Variants in GPLD1 observed in about 807,000 individuals in gnomAD.
GPLD1 encodes the protein phosphatidylinositol-glycan-specific phospholipase D.
A neutral mutation model predicts 112.6 loss-of-function variants in GPLD1; 84 were observed. That is an observed-to-expected ratio of 0.75 (90% CI 0.63 to 0.89). GPLD1 has a LOEUF of 0.89. Ranked by LOEUF, GPLD1 falls within the 40% of genes least tolerant of loss-of-function variation. The probability of loss-of-function intolerance (pLI) is 0.00; values close to 1 mark genes in which losing one functional copy is unlikely to be tolerated. For synonymous variants in GPLD1, 386 were observed against 403.8 expected, an observed-to-expected ratio of 0.96 and a Z score of 0.53; for missense variants, 1,044 against 1,051.5, an observed-to-expected ratio of 0.99 and a Z score of 0.10.
intron 24 of GPLD1, among the ~76,000 whole-genome samples, chr6:24,431,926 G>T (rs1226320120): frequency 1.3e-5 from 2 of 152,036 alleles, no homozygotes; most frequent in African/African-American, 4.8e-5. Context: ...CACCTGTGGG[G>T]ATACTTGCTC....
chr6:24,428,351 A>G lies in GPLD1; in HGVS notation c.*681T>C, dbSNP rs1762302167. 1.3e-5 allele frequency: 2 copies of G among 152,152 alleles called. No individual in the cohort carries two copies. The highest frequency in any genetic ancestry group is 4.2e-4 in the South Asian group (2 of 4,816). The allele number at this position is 152,152 out of a possible 1,614,324, so 9.4% of individuals were successfully genotyped here. A position where few individuals can be genotyped will look rare whatever the true frequency, so the allele number is the denominator to read the frequency against. On this transcript the variant is annotated 3_prime_UTR_variant, in exon 25 of 25. Coordinates refer to ENST00000230036, the MANE Select transcript of GPLD1 (RefSeq NM_001503.4). The stretch of plus-strand genomic sequence containing the variant: ...CACAGATTATTTCATCACCCTAAGT[A>G]TCCATTAGTTATTTTTCCTGATCTC...
rs139019027 is a variant in GPLD1, at chr6:24,445,616, G to C, written c.1950C>G (p.Ser650=). The C allele has an allele frequency of 3.0e-5, 49 of 1,613,808 alleles. No homozygotes were observed. The African/African-American group carries it at 5.7e-4, about 19-fold the overall frequency. ...TCATCAGTACGTGGCCACTGGAAAG[G>C]GAAGTACCCAGTTTCCCCATTGCCT... ...GDKAMGKLGT[S]LSSGHVLMNG... is the part of the protein sequence containing the mutation. Residue 650 remains serine, a synonymous_variant, in exon 20 of 25, where the codon TCC becomes TCG. Transcript: ENST00000230036.
At chr6:24,440,597 A>AAAAAAAG (rs1762714678) in intron 20 of GPLD1, among the ~76,000 whole-genome samples, 1 of 150,180 alleles carries the variant, frequency 6.7e-6, no homozygotes, top group East Asian at 2.0e-4. Flanking sequence ...AAAAAAAAAA[A>AAAAAAAG]GAAGCATAAT....
chr6:24,471,044 C>A (rs1288004730), intron 7 of GPLD1, among the ~76,000 whole-genome samples: 1 of 152,180 alleles, frequency 6.6e-6, no homozygotes, highest in Non-Finnish European at 1.5e-5. Flanking sequence ...AGGCAAGGTA[C>A]TTTTGAAGAA....
rs144331727 is a variant in GPLD1, at chr6:24,446,969, G to A, written c.1689C>T (p.Asn563=). Residue 563 remains asparagine, a synonymous_variant, in exon 18 of 25, where the codon AAC becomes AAT. Transcript: ENST00000230036. The part of the protein sequence containing the change: ...GPSLSDKEKL[N]VEAANWTVRG... ...TCACCGTCCAGTTGGCTGCCTCCACGTTCAGTTTTTCTAAAGAAGACAACT... is the reference window on the plus strand; with the variant it reads ...TCACCGTCCAGTTGGCTGCCTCCACATTCAGTTTTTCTAAAGAAGACAACT... The A allele has an allele frequency of 1.0e-4, 162 of 1,612,796 alleles. No individual in the cohort carries two copies. In the African/African-American group the frequency reaches 1.6e-3, roughly 16 times the overall value.
chr6:24,457,363 C>T (rs375027146), intron 12 of GPLD1, among the ~76,000 whole-genome samples: 22 of 151,948 alleles, frequency 1.4e-4, no homozygotes, highest in African/African-American at 4.8e-4. Context: ...TGCCTGTAAT[C>T]CCTGCTACTT....
In GPLD1 at chr6:24,436,595, G is replaced by A. The variant is rs1389484756; in HGVS notation, c.2339C>T (p.Thr780Ile). 3 of 1,613,586 alleles carry A rather than the reference G, an allele frequency of 1.9e-6. No individual in the cohort carries two copies. The highest frequency in any genetic ancestry group is 2.7e-5 in the African/African-American group (2 of 74,898). ...ACTTACCTTTTCTTCTGGACATGGA[G>A]TTATCCATGATTTGCATTTGCCAGT... Reference protein sequence around the residue: ...DMTGKCKSWITPCPEEKAQYV... With the variant: ...DMTGKCKSWIIPCPEEKAQYV... The change falls in exon 22 of 25, where the codon ACT becomes ATT. Residue 780 changes from threonine to isoleucine, a missense_variant. Coordinates refer to ENST00000230036, the MANE Select transcript of GPLD1 (RefSeq NM_001503.4).
chr6:24,429,069 G>C lies in GPLD1; in HGVS notation c.2486C>G (p.Ser829Cys), dbSNP rs199980577. 70 of 1,613,806 alleles carry C rather than the reference G, an allele frequency of 4.3e-5. No homozygotes were observed. In the African/African-American group the frequency reaches 8.7e-4, roughly 20 times the overall value. ...AAGGCTATAGACGTGAAGTGCCCCG[G>C]AGAGTCGGGCTCCCAAAGAACTCCT... is the stretch of plus-strand genomic sequence containing the variant. ...AGRSSLGARL[S>C]GALHVYSLGS... Residue 829 changes from serine to cysteine, a missense_variant, in exon 25 of 25, where the codon TCC becomes TGC. Coordinates refer to ENST00000230036, the MANE Select transcript of GPLD1 (RefSeq NM_001503.4).
rs1423202516 is a variant in GPLD1 at position 24,460,261 on chromosome 6, A to G, written c.1008+18T>C. ...AAGCAGCATTCCTCTTTCTCAACTT[A>G]GAGCAGAAAATTCTTACCGGGGTCC... On this transcript the variant is annotated intron_variant, in intron 12 of 24. Coordinates refer to ENST00000230036, the MANE Select transcript of GPLD1 (RefSeq NM_001503.4). The G allele has an allele frequency of 6.2e-7, 1 of 1,613,376 alleles. No homozygotes were observed. Among genetic ancestry groups the G allele is most frequent in the Non-Finnish European group, 8.5e-7 (1 of 1,179,562 alleles).
Position 24,446,978 on chromosome 6 carries a change from T to C in GPLD1, c.1680A>G (p.Glu560=). The C allele has an allele frequency of 6.2e-7, 1 of 1,613,142 alleles. No individual in the cohort carries two copies. The highest frequency in any genetic ancestry group is 1.1e-5 in the South Asian group (1 of 90,922). The change falls in exon 18 of 25, where the codon GAA becomes GAG. Residue 560 remains glutamate, a splice_region_variant and synonymous_variant. Transcript: ENST00000230036. ...FYSGPSLSDK[E]KLNVEAANWT... is the part of the protein sequence containing the mutation. ...AGTTGGCTGCCTCCACGTTCAGTTT[T>C]TCTAAAGAAGACAACTCATCCTTTT...
intron 20 of GPLD1, among the ~76,000 whole-genome samples, chr6:24,441,680 G>A (rs934660126): frequency 1.3e-5 from 2 of 152,220 alleles, no homozygotes; most frequent in Non-Finnish European, 2.9e-5. Context: ...GAAGCTAAGT[G>A]GTTAGGACAT....
intron 12 of GPLD1, among the ~76,000 whole-genome samples, chr6:24,459,711 C>A (rs1488549317): frequency 1.3e-5 from 2 of 152,218 alleles, no homozygotes; most frequent in Admixed American, 6.5e-5. Flanking sequence ...AGTAGAGTGT[C>A]TTCACTTAAC....
At chr6:24,494,986 T>C (rs1201716552) in exon 1 of GPLD1, 6 of 1,312,866 alleles carry the variant, frequency 4.6e-6, no homozygotes, top group Non-Finnish European at 5.8e-6. Flanking sequence ...GTCGCCGTCG[T>C]TGCCCGGGCC....
intron 20 of GPLD1, 71 bp downstream of exon 20, chr6:24,445,475 T>G (rs1440757986): frequency 1.0e-6 from 1 of 966,262 alleles, no homozygotes; most frequent in Non-Finnish European, 1.7e-6. Flanking sequence ...TCTCATCACT[T>G]TCCTCCAATA....
At chr6:24,469,328 C>T (rs1243296087) in intron 7 of GPLD1, among the ~76,000 whole-genome samples, 7 of 136,272 alleles carry the variant, frequency 5.1e-5, no homozygotes, top group East Asian at 2.1e-4. Context: ...CACATGCACA[C>T]GTATGTTTAT....
exon 1 of GPLD1, chr6:24,495,129 CG>C: frequency 7.2e-7 from 1 of 1,388,482 alleles, no homozygotes; most frequent in Non-Finnish European, 9.3e-7. Context: ...GGCCCAGCTC[CG>C]CTGCTACGCT....
chr6:24,482,438 G>A (rs934285436), intron 2 of GPLD1, among the ~76,000 whole-genome samples: 5 of 151,832 alleles, frequency 3.3e-5, no homozygotes, highest in East Asian at 1.9e-4. Flanking sequence ...CGGTCACCAC[G>A]CCCAGCTAAT....
At chr6:24,442,572 G>A (rs1762784378) in intron 20 of GPLD1, among the ~76,000 whole-genome samples, 2 of 151,528 alleles carry the variant, frequency 1.3e-5, no homozygotes, top group South Asian at 4.2e-4. Context: ...AGCCTCCTAA[G>A]TAGCTGGGAC....
In GPLD1 at chr6:24,475,103, A is replaced by C. The variant is rs1354213783; in HGVS notation, c.441+18T>G. ...TATCACTCCCATAAAGTCATTCCCC[A>C]TAAAGGGATGTACTCACAGCTCCCA... On this transcript the variant is annotated intron_variant, in intron 5 of 24. Transcript: ENST00000230036. 8.0e-7 allele frequency: 1 copy of C among 1,252,834 alleles called. No individual in the cohort carries two copies. The highest frequency in any genetic ancestry group is 1.7e-5 in the Admixed American group (1 of 59,562). The allele number at this position is 1,252,834 out of a possible 1,614,324, so 77.6% of individuals were successfully genotyped here.
Sources: gnomAD v4.1 joint callset for allele counts (sites outside exome capture counted in the v4.1 genomes callset) on GRCh38, gnomAD v4.1.1 for gene constraint, MANE v1.5 for transcripts, NCBI Gene and HGNC (gene_info 2026-07-23, HGNC 2026-07-21) for gene names.